PDZRN3: variants seen among roughly 807,000 people sequenced by gnomAD.
PDZRN3 encodes PDZ domain containing ring finger 3, also known as E3 ubiquitin-protein ligase PDZRN3.
PDZRN3 carries 38 observed loss-of-function variants against 85.7 expected under a neutral mutation model. The ratio of observed to expected loss-of-function variants is 0.44; its 90% CI spans 0.34 to 0.58. The LOEUF (loss-of-function observed/expected upper bound fraction) is 0.58. PDZRN3 is among the 20% of genes least tolerant of loss of function. The pLI, the probability that PDZRN3 is intolerant of heterozygous loss-of-function variation, is 0.01. For synonymous variants in PDZRN3, 759 were observed against 638.0 expected, an observed-to-expected ratio of 1.19 and a Z score of -2.86; for missense variants, 1,629 against 1,506.4, an observed-to-expected ratio of 1.08 and a Z score of -1.35.
chr3:73,562,186 T>C (rs1439068289), intron 3 of PDZRN3, among the ~76,000 whole-genome samples: 1 of 152,166 alleles, frequency 6.6e-6, no homozygotes, highest in South Asian at 2.1e-4. Context: ...CCTCTCTCTA[T>C]TGCACACAGT....
In PDZRN3 at chr3:73,607,667, T is replaced by C. The variant is rs560787292; in HGVS notation, c.810+931A>G. On this transcript the variant is annotated intron_variant, in intron 2 of 9. Transcript: ENST00000263666. ...GATACCCTTTGCTTCTTGGCTGGTA[T>C]CTGCCATGTGCCATCCTCCCATTTT... Among the ~76,000 whole-genome samples, 95 of 152,340 alleles carry C rather than the reference T, an allele frequency of 6.2e-4. 1 individual carries two copies. The highest frequency in any genetic ancestry group is 1.2e-3 in the Non-Finnish European group (81 of 68,034).
chr3:73,508,433 C>T (rs1704106869), intron 3 of PDZRN3, among the ~76,000 whole-genome samples: 1 of 152,198 alleles, frequency 6.6e-6, no homozygotes, highest in African/African-American at 2.4e-5. Flanking sequence ...GAAGTTTCTC[C>T]TTGCAGAATT....
intron 3 of PDZRN3, among the ~76,000 whole-genome samples, chr3:73,532,249 C>T (rs578094507): frequency 6.6e-6 from 1 of 152,274 alleles, no homozygotes; most frequent in South Asian, 2.1e-4. Context: ...GATCCACCCA[C>T]CTCGGCCTCC....
intron 3 of PDZRN3, among the ~76,000 whole-genome samples, chr3:73,580,298 T>A (rs1702179830): frequency 6.6e-6 from 1 of 152,158 alleles, no homozygotes; most frequent in African/African-American, 2.4e-5. Context: ...AATGTAAATT[T>A]TTTGGCATGA....
At chr3:73,580,857 A>G (rs746289296) in intron 3 of PDZRN3, among the ~76,000 whole-genome samples, 2 of 152,176 alleles carry the variant, frequency 1.3e-5, no homozygotes, top group Non-Finnish European at 1.5e-5. Flanking sequence ...TGTTACTGCT[A>G]TTTTCCCAGA....
intron 3 of PDZRN3, among the ~76,000 whole-genome samples, chr3:73,554,435 C>T (rs193223221): frequency 2.6e-4 from 40 of 152,086 alleles, no homozygotes; most frequent in African/African-American, 8.2e-4. Context: ...TGTAAGTGTC[C>T]GCTTGCTGCT....
At chr3:73,623,893 A>C in intron 1 of PDZRN3, 1 of 430,398 alleles carries the variant, frequency 2.3e-6, no homozygotes, top group Non-Finnish European at 4.0e-6. Flanking sequence ...TTTACCGGTT[A>C]CGTCTAGACT....
rs141693557 is a variant in PDZRN3, at chr3:73,587,008, C to A, written c.918+15346G>T. Among the ~76,000 whole-genome samples the A allele has an allele frequency of 6.2e-4, 94 of 152,296 alleles. No homozygotes were observed. The East Asian group carries it at 9.1e-3, about 15-fold the overall frequency. On this transcript the variant is annotated intron_variant, in intron 3 of 9. Transcript: ENST00000263666. ...TATAGTCTAATATCAAATTTGACTC[C>A]ATTGTTTTTGCAACAGGTTTGATTT...
intron 5 of PDZRN3, among the ~76,000 whole-genome samples, chr3:73,398,183 T>G (rs973853344): frequency 1.3e-5 from 2 of 152,186 alleles, no homozygotes; most frequent in African/African-American, 4.8e-5. Flanking sequence ...AGAAGCAGTC[T>G]TAGGAACACA....
chr3:73,488,311 T>G (rs1232988057), intron 3 of PDZRN3, among the ~76,000 whole-genome samples: 1 of 152,218 alleles, frequency 6.6e-6, no homozygotes, highest in Non-Finnish European at 1.5e-5. Flanking sequence ...AAACTTACCC[T>G]GTCTCCAAAT....
intron 3 of PDZRN3, among the ~76,000 whole-genome samples, chr3:73,516,001 C>T (rs529039714): frequency 2.8e-4 from 43 of 152,196 alleles, no homozygotes; most frequent in Non-Finnish European, 5.4e-4. Context: ...TCTATAAATG[C>T]TTGCCACAAA....
chr3:73,387,129 G>T (rs1466760504), intron 8 of PDZRN3, among the ~76,000 whole-genome samples: 1 of 152,200 alleles, frequency 6.6e-6, no homozygotes, highest in Non-Finnish European at 1.5e-5. Context: ...CTTCCACCAT[G>T]ATTGTGAGGC....
chr3:73,498,164 C>T (rs1703904143), intron 3 of PDZRN3, among the ~76,000 whole-genome samples: 1 of 152,176 alleles, frequency 6.6e-6, no homozygotes, highest in African/African-American at 2.4e-5. Context: ...AGTAAGTCAT[C>T]AATCCCTGTC....
chr3:73,577,404 A>C lies in PDZRN3; in HGVS notation c.918+24950T>G, dbSNP rs535501174. Among the ~76,000 whole-genome samples, 3 of 152,260 alleles carry C rather than the reference A, an allele frequency of 2.0e-5. No homozygotes were observed. The East Asian group carries it at 5.8e-4, about 29-fold the overall frequency. ...TTAATAAATAACAAGAGTCCTTGGT[A>C]CCTGGGGAATCCATGCTAAGTGCAT... is the stretch of plus-strand genomic sequence containing the variant. On this transcript the variant is annotated intron_variant, in intron 3 of 9. Coordinates refer to ENST00000263666, the MANE Select transcript of PDZRN3 (RefSeq NM_015009.3).
At chr3:73,466,870 AG>A (rs1215018141) in intron 3 of PDZRN3, among the ~76,000 whole-genome samples, 22 of 152,382 alleles carry the variant, frequency 1.4e-4, no homozygotes, top group African/African-American at 5.3e-4. Flanking sequence ...CAAATTTTCC[AG>A]AAAAAGCAGA....
chr3:73,443,490 T>C (rs1021389452), intron 3 of PDZRN3, among the ~76,000 whole-genome samples: 25 of 139,756 alleles, frequency 1.8e-4, no homozygotes, highest in Admixed American at 2.7e-4. Flanking sequence ...TTTTTTTTTT[T>C]TTTTTTTTGG....
chr3:73,586,053 T>C (rs1266727979), intron 3 of PDZRN3, among the ~76,000 whole-genome samples: 1 of 152,230 alleles, frequency 6.6e-6, no homozygotes, highest in Non-Finnish European at 1.5e-5. Flanking sequence ...TTTTAAAGTT[T>C]AGATTTTACA....
intron 3 of PDZRN3, among the ~76,000 whole-genome samples, chr3:73,419,970 T>C (rs1292340413): frequency 6.6e-6 from 1 of 152,226 alleles, no homozygotes; most frequent in Non-Finnish European, 1.5e-5. Context: ...TGCAGAGTCA[T>C]ACACCACCAT....
intron 1 of PDZRN3, among the ~76,000 whole-genome samples, chr3:73,614,779 T>G (rs1258571226): frequency 6.6e-6 from 1 of 152,234 alleles, no homozygotes; most frequent in Non-Finnish European, 1.5e-5. Flanking sequence ...GAAGAATTGC[T>G]GATGTCTTCA....
Sources: gnomAD v4.1 joint callset for allele counts (sites outside exome capture counted in the v4.1 genomes callset) on GRCh38, gnomAD v4.1.1 for gene constraint, MANE v1.5 for transcripts, NCBI Gene and HGNC (gene_info 2026-07-23, HGNC 2026-07-21) for gene names.